The following SIMC1 variants were observed in gnomAD, a reference collection of about 807,000 sequenced individuals.
The protein encoded by SIMC1 is SUMO interacting motifs containing 1.
SIMC1 carries 55 observed loss-of-function variants against 82.3 expected under a neutral mutation model. The ratio of observed to expected loss-of-function variants is 0.67; its 90% CI spans 0.54 to 0.84. The LOEUF (loss-of-function observed/expected upper bound fraction) is 0.84, where lower values mean the gene tolerates loss of function less well. Among genes scored for constraint, SIMC1 ranks in the 40% least tolerant of loss-of-function variants. The pLI, the probability that SIMC1 is intolerant of heterozygous loss-of-function variation, is 0.00. For synonymous variants in SIMC1, 353 were observed against 426.3 expected (o/e 0.83, Z 2.12); for missense variants, 915 against 1,107.2 (o/e 0.83, Z 2.46).
Position 176,285,992 on chromosome 5 carries a change from A to G in SIMC1, c.130-3662A>G, listed in dbSNP as rs543869155. Among the ~76,000 whole-genome samples, 17 of 152,390 alleles carry G rather than the reference A, an allele frequency of 1.1e-4. No individual in the cohort carries two copies. In the East Asian group the frequency reaches 2.9e-3, roughly 26 times the overall value. On this transcript the variant is annotated intron_variant, in intron 1 of 9. Coordinates refer to ENST00000429602, the MANE Select transcript of SIMC1 (RefSeq NM_001308195.2). The stretch of plus-strand genomic sequence containing the variant: ...TGCTCAACGAAATAAAAGAGGACAC[A>G]AACAAATGGAAGAACATTCCATGCT...
intron 1 of SIMC1, among the ~76,000 whole-genome samples, chr5:176,283,828 A>T (rs1326534292): frequency 1.3e-5 from 2 of 152,220 alleles, no homozygotes; most frequent in Non-Finnish European, 2.9e-5. Context: ...GGATGGAGGA[A>T]GATCTACCAA....
rs1369313545 is a variant in SIMC1 at position 176,290,717 on chromosome 5, G to T, written c.1193G>T (p.Ser398Ile). 6.2e-7 allele frequency: 1 copy of T among 1,613,848 alleles called. No homozygotes were observed. Among genetic ancestry groups the T allele is most frequent in the Non-Finnish European group, 8.5e-7 (1 of 1,179,846 alleles). ...CTGTCCTCTCCAAGCTGCTCTCCCAGCCCACAGTCTGAAACTCCCTTAGAG... is the reference window on the plus strand; with the variant it reads ...CTGTCCTCTCCAAGCTGCTCTCCCATCCCACAGTCTGAAACTCCCTTAGAG... Reference protein sequence around the residue: ...SALSSPSCSPSPQSETPLEKV... With the variant: ...SALSSPSCSPIPQSETPLEKV... Residue 398 changes from serine (S) to isoleucine (I), a missense_variant, in exon 2 of 10, where the codon AGC becomes ATC. Transcript: ENST00000429602.
chr5:176,283,977 A>G (rs1190969459), intron 1 of SIMC1, among the ~76,000 whole-genome samples: 1 of 152,248 alleles, frequency 6.6e-6, no homozygotes, highest in East Asian at 1.9e-4. Flanking sequence ...AGACCTAACT[A>G]TCCTAAATAT....
chr5:176,283,636 C>G (rs2113231788), intron 1 of SIMC1, among the ~76,000 whole-genome samples: 1 of 152,274 alleles, frequency 6.6e-6, no homozygotes, highest in South Asian at 2.1e-4. Context: ...AACTAACCAG[C>G]TAACATCATA....
At chr5:176,304,888 G>A (rs1764225934) in intron 4 of SIMC1, among the ~76,000 whole-genome samples, 1 of 147,434 alleles carries the variant, frequency 6.8e-6, no homozygotes, top group South Asian at 2.2e-4. Context: ...ACCCCGTCTG[G>A]GAGGTGACGA....
chr5:176,292,925 A>C (rs929104495), intron 2 of SIMC1, among the ~76,000 whole-genome samples: 18 of 152,132 alleles, frequency 1.2e-4, no homozygotes, highest in African/African-American at 4.3e-4. Flanking sequence ...ATATTTTAAT[A>C]ATTGGGATTT....
chr5:176,312,680 G>T lies in SIMC1; in HGVS notation c.1735-1011G>T, dbSNP rs982894570. Among the ~76,000 whole-genome samples the T allele has an allele frequency of 4.6e-5, 7 of 152,102 alleles. No individual in the cohort carries two copies. The East Asian group carries it at 1.2e-3, about 25-fold the overall frequency. ...ACCTCCTCCCAAAAAAGAAAGAAATGATATGTATTCAGAATGGTCACTTAG... is the reference window on the plus strand; with the variant it reads ...ACCTCCTCCCAAAAAAGAAAGAAATTATATGTATTCAGAATGGTCACTTAG... On this transcript the variant is annotated intron_variant, in intron 4 of 9. Transcript: ENST00000429602.
chr5:176,322,366 G>T lies in SIMC1; in HGVS notation c.1983G>T (p.Leu661Phe). 6.2e-7 allele frequency: 1 copy of T among 1,606,326 alleles called. No homozygotes were observed. The highest frequency in any genetic ancestry group is 1.7e-4 in the Middle Eastern group (1 of 6,054). ...AAACGTCTTCAGGAACAGGAATCTT[G>T]AAAGCCAGCAGTAGCCACCCTTCTT... is the stretch of plus-strand genomic sequence containing the variant. ...GNQTSSGTGI[L>F]KASSSHPSSQ... Residue 661 changes from leucine (L) to phenylalanine (F), a missense_variant, in exon 6 of 10, where the codon TTG (leucine) becomes TTT (phenylalanine). Physicochemically the swap from Leu to Phe is conservative, Grantham distance 22. Transcript: ENST00000429602.
chr5:176,341,653 G>A (rs901792988), intron 9 of SIMC1, among the ~76,000 whole-genome samples: 2 of 152,152 alleles, frequency 1.3e-5, no homozygotes, highest in Admixed American at 1.3e-4. Flanking sequence ...TGAGTCTGAA[G>A]GGTGACTCCC....
At position 176,308,070 on chromosome 5, in the gene SIMC1, T is replaced by G. The variant is rs1344743745; in HGVS notation, c.1735-5621T>G. 4 of 724,612 alleles carry G rather than the reference T, an allele frequency of 5.5e-6. No individual in the cohort carries two copies. In the East Asian group the frequency reaches 1.1e-4, roughly 19 times the overall value. The allele number at this position is 724,612 out of a possible 1,614,324, so 44.9% of individuals were successfully genotyped here. A position where few individuals can be genotyped will look rare whatever the true frequency, so the allele number is the denominator to read the frequency against. On this transcript the variant is annotated intron_variant, in intron 4 of 9. Coordinates refer to ENST00000429602, the MANE Select transcript of SIMC1 (RefSeq NM_001308195.2). ...GCAATGAGCTGGGCCAAGATGGCAG[T>G]GCAGGTGGTGCAGGCGGTGCAGGCA...
rs193042084 is a variant in SIMC1 at position 176,273,428 on chromosome 5, T to C, written c.130-16226T>C. On this transcript the variant is annotated intron_variant, in intron 1 of 9. Transcript: ENST00000429602. ...AGGACATTCACACCAAAACCCCATC[T>C]GTATGTCACCATCATCAAAGACCAA... Among the ~76,000 whole-genome samples, 841 of 152,252 alleles carry C rather than the reference T, an allele frequency of 5.5e-3. 4 individuals carry two copies. The highest frequency in any genetic ancestry group is 0.017 in the Middle Eastern group (5 of 294).
intron 1 of SIMC1, among the ~76,000 whole-genome samples, chr5:176,246,630 C>A (rs1306935666): frequency 6.6e-6 from 1 of 151,866 alleles, no homozygotes; most frequent in Non-Finnish European, 1.5e-5. Context: ...TATTATTATT[C>A]TTTAAGTTCT....
At chr5:176,276,838 A>T (rs1401851891) in intron 1 of SIMC1, among the ~76,000 whole-genome samples, 1 of 145,422 alleles carries the variant, frequency 6.9e-6, no homozygotes, top group Admixed American at 6.9e-5. Context: ...TTCTTAATCC[A>T]GTCTATCATT....
intron 4 of SIMC1, among the ~76,000 whole-genome samples, chr5:176,298,316 G>T (rs1229729147): frequency 6.6e-6 from 1 of 152,164 alleles, no homozygotes. Flanking sequence ...ACTTGTCTGG[G>T]GGCTGCCTGG....
intron 4 of SIMC1, chr5:176,304,403 G>C (rs1021804498): frequency 5.7e-6 from 1 of 175,614 alleles, no homozygotes; most frequent in African/African-American, 2.4e-5. Context: ...TGGCCGGGCC[G>C]GTCTCCAGCC....
intron 1 of SIMC1, among the ~76,000 whole-genome samples, chr5:176,289,395 C>A (rs1375015291): frequency 6.6e-6 from 1 of 151,214 alleles, no homozygotes; most frequent in Non-Finnish European, 1.5e-5. Flanking sequence ...TCCTACTACT[C>A]CCCTGTCCTC....
chr5:176,262,404 C>G (rs1033379633), intron 1 of SIMC1, among the ~76,000 whole-genome samples: 7 of 151,972 alleles, frequency 4.6e-5, no homozygotes, highest in African/African-American at 1.7e-4. Flanking sequence ...AAACTTGAAG[C>G]ATTCCTACTA....
At chr5:176,324,802 AC>A (rs1364601658) in intron 7 of SIMC1, 45 bp downstream of exon 7, 27 of 1,500,382 alleles carry the variant, frequency 1.8e-5, no homozygotes, top group Non-Finnish European at 2.3e-5. Context: ...TAAAAAAAAA[AC>A]AAAAAAAACT....
At chr5:176,323,210 G>A (rs1315970495) in intron 6 of SIMC1, among the ~76,000 whole-genome samples, 1 of 152,048 alleles carries the variant, frequency 6.6e-6, no homozygotes, top group Non-Finnish European at 1.5e-5. Flanking sequence ...ATATCTAAAG[G>A]GGAATGTTTT....
Sources: gnomAD v4.1 joint callset for allele counts (sites outside exome capture counted in the v4.1 genomes callset) on GRCh38, gnomAD v4.1.1 for gene constraint, MANE v1.5 for transcripts, NCBI Gene and HGNC (gene_info 2026-07-23, HGNC 2026-07-21) for gene names.